The following PDE1C variants were observed in gnomAD, a reference collection of about 807,000 sequenced individuals.
PDE1C encodes the protein dual specificity calcium/calmodulin-dependent 3',5'-cyclic nucleotide phosphodiesterase 1C.
A neutral mutation model predicts 93.1 loss-of-function variants in PDE1C; 62 were observed. The ratio of observed to expected loss-of-function variants is 0.67; its 90% CI spans 0.54 to 0.82. PDE1C has a LOEUF of 0.82. Among genes scored for constraint, PDE1C ranks in the 40% least tolerant of loss-of-function variants. PDE1C has a pLI of 0.00. For missense variants in PDE1C, 742 were observed against 884.6 expected (o/e 0.84, Z 2.04); for synonymous variants, 325 against 310.1 (o/e 1.05, Z -0.50).
At chr7:32,224,428 T>TC (rs1807103574) in intron 1 of PDE1C, among the ~76,000 whole-genome samples, 1 of 151,936 alleles carries the variant, frequency 6.6e-6, no homozygotes, top group South Asian at 2.1e-4. Context: ...GAATCCTGAC[T>TC]CCTCTGCCAT....
chr7:31,895,416 G>C (rs1012115468), intron 2 of PDE1C, among the ~76,000 whole-genome samples: 1 of 152,158 alleles, frequency 6.6e-6, no homozygotes, highest in Non-Finnish European at 1.5e-5. Context: ...AGAGGAACCA[G>C]AGGACAATAC....
At chr7:31,906,863 A>C (rs1023447574) in intron 2 of PDE1C, among the ~76,000 whole-genome samples, 10 of 152,214 alleles carry the variant, frequency 6.6e-5, no homozygotes. Context: ...TGATGATTAC[A>C]CATAAAATAA....
the PDE1C span, among the ~76,000 whole-genome samples, chr7:31,686,325 T>C: frequency 0.017 from 2,642 of 152,206 alleles, 32 homozygotes; most frequent in Middle Eastern, 0.034. Context: ...ACCCAAAACA[T>C]AGAACCTTCC....
At chr7:32,237,767 T>TAA in intron 1 of PDE1C, among the ~76,000 whole-genome samples, 1 of 40,514 alleles carries the variant, frequency 2.5e-5, no homozygotes, top group South Asian at 1.5e-3. Flanking sequence ...TATATACTTT[T>TAA]TTTTTTTTTT....
At chr7:32,294,876 T>A (rs2128899090) in intron 1 of PDE1C, among the ~76,000 whole-genome samples, 1 of 152,314 alleles carries the variant, frequency 6.6e-6, no homozygotes, top group South Asian at 2.1e-4. Context: ...CTTGCCGCAA[T>A]CATAATAAGT....
the PDE1C span, among the ~76,000 whole-genome samples, chr7:31,690,914 G>A: frequency 6.6e-6 from 1 of 152,162 alleles, no homozygotes; most frequent in South Asian, 2.1e-4. Flanking sequence ...AACATAATAT[G>A]TATGACTGGG....
At chr7:31,772,597 A>C (rs1795568691) in intron 17 of PDE1C, among the ~76,000 whole-genome samples, 1 of 150,544 alleles carries the variant, frequency 6.6e-6, no homozygotes, top group African/African-American at 2.5e-5. Context: ...AATTTTACCT[A>C]CCTTGGCGTG....
intron 1 of PDE1C, among the ~76,000 whole-genome samples, chr7:32,376,682 A>G (rs1784437375): frequency 6.6e-6 from 1 of 152,036 alleles, no homozygotes; most frequent in South Asian, 2.1e-4. Flanking sequence ...AATCAATAGT[A>G]TGATTTCCCC....
intron 2 of PDE1C, among the ~76,000 whole-genome samples, chr7:31,926,213 C>A (rs771219689): frequency 6.6e-6 from 1 of 152,000 alleles, no homozygotes; most frequent in African/African-American, 2.4e-5. Flanking sequence ...TGTCCTGAAA[C>A]GATTTTTCTT....
chr7:31,676,554 G>A, the PDE1C span, among the ~76,000 whole-genome samples: 9 of 152,132 alleles, frequency 5.9e-5, no homozygotes, highest in East Asian at 1.7e-3. Context: ...CACTGAAAGG[G>A]GAAAATATAT....
At chr7:31,864,920 A>AAG (rs1795103872) in intron 7 of PDE1C, 22 bp downstream of exon 7, 1 of 1,608,010 alleles carries the variant, frequency 6.2e-7, no homozygotes. Context: ...TGGGGAACCT[A>AAG]AGAGTTCCTA....
chr7:32,074,093 T>C (rs1039513713), upstream of PDE1C, among the ~76,000 whole-genome samples: 5 of 152,150 alleles, frequency 3.3e-5, no homozygotes, highest in African/African-American at 1.2e-4. Flanking sequence ...TCCTGCAAAT[T>C]CACACAGAGT....
At chr7:32,014,861 T>C (rs1787678208) in intron 2 of PDE1C, among the ~76,000 whole-genome samples, 1 of 152,158 alleles carries the variant, frequency 6.6e-6, no homozygotes, top group Non-Finnish European at 1.5e-5. Flanking sequence ...GTCATTTGTA[T>C]GTGATATGGT....
At chr7:31,848,147 T>C (rs1792863369) in intron 8 of PDE1C, 51 bp from the exon 9 acceptor site, 3 of 1,594,780 alleles carry the variant, frequency 1.9e-6, no homozygotes, top group African/African-American at 1.3e-5. Context: ...TGTGATTTAC[T>C]TGGGTAATTC....
chr7:31,985,224 A>C (rs1405763160), intron 2 of PDE1C, among the ~76,000 whole-genome samples: 1 of 152,022 alleles, frequency 6.6e-6, no homozygotes, highest in Non-Finnish European at 1.5e-5. Context: ...GAAGGCATGG[A>C]GTTTTCTTAC....
intron 2 of PDE1C, among the ~76,000 whole-genome samples, chr7:31,897,296 CA>C (rs1310192525): frequency 6.6e-6 from 1 of 152,162 alleles, no homozygotes; most frequent in East Asian, 1.9e-4. Flanking sequence ...TAAAACGAGA[CA>C]GTTTTTTTGT....
chr7:31,922,673 A>C (rs776337837), intron 2 of PDE1C, among the ~76,000 whole-genome samples: 3 of 152,334 alleles, frequency 2.0e-5, no homozygotes, highest in Middle Eastern at 3.4e-3. Flanking sequence ...GACAAAATGT[A>C]TGAACTGCAT....
intron 14 of PDE1C, among the ~76,000 whole-genome samples, chr7:31,820,318 T>C (rs1207140547): frequency 6.6e-6 from 1 of 152,070 alleles, no homozygotes; most frequent in Admixed American, 6.6e-5. Context: ...ATATTTTTTA[T>C]ACTTCAGCAT....
At chr7:31,892,248 A>T (rs1026666965) in intron 2 of PDE1C, among the ~76,000 whole-genome samples, 2 of 152,182 alleles carry the variant, frequency 1.3e-5, no homozygotes, top group African/African-American at 4.8e-5. Flanking sequence ...ACTGTGTCTG[A>T]TGACTTTGGA....
Sources: allele counts gnomAD v4.1 joint callset (sites outside exome capture counted in the v4.1 genomes callset), GRCh38; gene constraint gnomAD v4.1.1; transcripts MANE v1.5; gene names NCBI Gene and HGNC (gene_info 2026-07-23, HGNC 2026-07-21).